Variants in TSPAN9 observed in about 807,000 individuals in gnomAD.
TSPAN9 encodes the protein tetraspanin 9.
In TSPAN9, 16 loss-of-function variants were observed where a neutral mutation model predicts 31.0. That is an observed-to-expected ratio of 0.52 (90% CI 0.35 to 0.78). The LOEUF (loss-of-function observed/expected upper bound fraction) is 0.78. TSPAN9 is among the 30% of genes least tolerant of loss of function. The probability of loss-of-function intolerance (pLI) is 0.01; values close to 1 mark genes in which losing one functional copy is unlikely to be tolerated. For synonymous variants in TSPAN9, 145 were observed against 121.6 expected, an observed-to-expected ratio of 1.19 and a Z score of -1.27; for missense variants, 272 against 312.5, an observed-to-expected ratio of 0.87 and a Z score of 0.98.
chr12:3,282,877 C>T (rs888912528), intron 8 of TSPAN9, among the ~76,000 whole-genome samples, 168 bp from the exon 9 acceptor site: 19 of 152,226 alleles, frequency 1.2e-4, no homozygotes, highest in Non-Finnish European at 2.5e-4. Flanking sequence ...CCAGGGTGAC[C>T]TCTGTTCACG....
At chr12:3,269,785 C>T (rs923473737) in intron 3 of TSPAN9, among the ~76,000 whole-genome samples, 8 of 152,296 alleles carry the variant, frequency 5.3e-5, no homozygotes, top group South Asian at 2.1e-4. Context: ...GGCCCTTTTT[C>T]GCTGCACCCA....
intron 2 of TSPAN9, among the ~76,000 whole-genome samples, chr12:3,089,503 G>A (rs56093454): frequency 1.3e-5 from 2 of 151,844 alleles, no homozygotes; most frequent in Admixed American, 6.5e-5. Context: ...TACCGTGTTG[G>A]CCAGGGTGGT....
rs201987900 is a variant in TSPAN9, at chr12:3,281,703, G to A, written c.565-31G>A. 4.4e-5 allele frequency: 70 copies of A among 1,603,226 alleles called. 1 individual carries two copies. In the Middle Eastern group the frequency reaches 1.2e-3, roughly 27 times the overall value. ...CTGCAGGGAGCGCATGCTTGGGCTG[G>A]GACCCTAACCTCGTGGGCCTCGCTC... On this transcript the variant is annotated intron_variant, in intron 7 of 8. Coordinates refer to ENST00000011898, the MANE Select transcript of TSPAN9 (RefSeq NM_006675.5).
intron 3 of TSPAN9, among the ~76,000 whole-genome samples, chr12:3,259,713 C>T (rs145647486): frequency 6.6e-6 from 1 of 152,322 alleles, no homozygotes; most frequent in Non-Finnish European, 1.5e-5. Context: ...GGGCCTCGGA[C>T]CCAGCAGAGG....
At chr12:3,163,737 A>G (rs1315575725) in intron 2 of TSPAN9, among the ~76,000 whole-genome samples, 1 of 152,210 alleles carries the variant, frequency 6.6e-6, no homozygotes, top group East Asian at 1.9e-4. Context: ...TGCAGCTAGC[A>G]TCAGTGAGAC....
intron 2 of TSPAN9, among the ~76,000 whole-genome samples, chr12:3,186,219 C>T (rs971399013): frequency 6.6e-6 from 1 of 152,214 alleles, no homozygotes; most frequent in African/African-American, 2.4e-5. Context: ...CTTTCCCAGG[C>T]ATTCATACAT....
intron 3 of TSPAN9, among the ~76,000 whole-genome samples, chr12:3,245,750 C>T (rs111625835): frequency 0.041 from 6,232 of 152,288 alleles, 174 homozygotes; most frequent in Non-Finnish European, 0.063. Context: ...GCCCGTGGCA[C>T]GGAGCCATCG....
At chr12:3,220,210 T>C (rs139590646) in intron 3 of TSPAN9, among the ~76,000 whole-genome samples, 1 of 152,056 alleles carries the variant, frequency 6.6e-6, no homozygotes, top group East Asian at 1.9e-4. Context: ...TAGTTACCTG[T>C]AACAGCTACC....
Position 3,283,227 on chromosome 12 carries a change from C to T in TSPAN9, c.*111C>T, listed in dbSNP as rs972804062. 8 of 1,137,566 alleles carry T rather than the reference C, an allele frequency of 7.0e-6. No individual in the cohort carries two copies. The Admixed American group carries it at 1.1e-4, about 15-fold the overall frequency. 70.5% of individuals were successfully genotyped at this position (1,137,566 alleles called of 1,614,324 possible). A position where few individuals can be genotyped will look rare whatever the true frequency, so the allele number is the denominator to read the frequency against. On this transcript the variant is annotated 3_prime_UTR_variant, in exon 9 of 9. Transcript: ENST00000011898. Reference sequence around the variant, plus strand: ...AGATATGACCCCTGCACCCACCCCCCACAGCCTGCCCTACCCCACCTACCC... The same window carrying T: ...AGATATGACCCCTGCACCCACCCCCTACAGCCTGCCCTACCCCACCTACCC...
At chr12:3,278,931 C>T in intron 4 of TSPAN9, 61 bp from the exon 5 acceptor site, 1 of 1,567,860 alleles carries the variant, frequency 6.4e-7, no homozygotes, top group Non-Finnish European at 8.8e-7. Context: ...GCCTTCCACA[C>T]CCTCCTTGTC....
At position 3,153,782 on chromosome 12, in the gene TSPAN9, A is replaced by G. The variant is rs556768247; in HGVS notation, c.-17-47395A>G. ...TCCTACTGTTGAATGTGCAGCTCAC[A>G]ATTTTAACTTACCTAAATAGTAGAA... On this transcript the variant is annotated intron_variant, in intron 2 of 8. Coordinates refer to ENST00000011898, the MANE Select transcript of TSPAN9 (RefSeq NM_006675.5). Among the ~76,000 whole-genome samples, 6 of 150,998 alleles carry G rather than the reference A, an allele frequency of 4.0e-5. 1 individual carries two copies. Among genetic ancestry groups the G allele is most frequent in the African/African-American group, 1.2e-4 (5 of 41,050 alleles).
intron 3 of TSPAN9, among the ~76,000 whole-genome samples, chr12:3,213,919 C>G (rs528803698): frequency 1.3e-5 from 2 of 152,340 alleles, no homozygotes; most frequent in South Asian, 4.1e-4. Context: ...CATTTCCTCC[C>G]CACTCCTACA....
At chr12:3,139,214 T>C (rs1295852449) in intron 2 of TSPAN9, among the ~76,000 whole-genome samples, 1 of 152,224 alleles carries the variant, frequency 6.6e-6, no homozygotes, top group East Asian at 1.9e-4. Flanking sequence ...GTTTCCTCTC[T>C]TCCTCTGTCT....
intron 2 of TSPAN9, among the ~76,000 whole-genome samples, chr12:3,141,478 A>T (rs2098334802): frequency 6.6e-6 from 1 of 152,070 alleles, no homozygotes; most frequent in South Asian, 2.1e-4. Context: ...TGCTCCTCTG[A>T]GGCCCACACA....
chr12:3,283,028 C>T lies in TSPAN9; in HGVS notation c.649-17C>T, dbSNP rs749818727. 28 of 1,606,582 alleles carry T rather than the reference C, an allele frequency of 1.7e-5. No individual in the cohort carries two copies. In the Admixed American group the frequency reaches 4.7e-4, roughly 27 times the overall value. On this transcript the variant is annotated splice_polypyrimidine_tract_variant and intron_variant, in intron 8 of 8. Transcript: ENST00000011898. ...CTGCTGCAGCTCCTGCCTCAGGCCC[C>T]TCCCCGTGTCTTTCAGATCCTGGGC...
Position 3,180,974 on chromosome 12 carries a change from G to A in TSPAN9, c.-17-20203G>A, listed in dbSNP as rs116960010. ...GCACGGCTCAGATGTAGGAGTTCAG[G>A]GCCCTGCATTTTAGGGAGGGCACTG... On this transcript the variant is annotated intron_variant, in intron 2 of 8. Transcript: ENST00000011898. 3.4e-4 allele frequency among the ~76,000 whole-genome samples: 51 copies of A among 151,792 alleles called. 1 individual carries two copies. The East Asian group carries it at 8.6e-3, about 26-fold the overall frequency.
intron 2 of TSPAN9, among the ~76,000 whole-genome samples, chr12:3,182,196 T>C (rs557851977): frequency 1.3e-5 from 2 of 152,162 alleles, no homozygotes; most frequent in African/African-American, 4.8e-5. Context: ...ATCAGGGAAG[T>C]TAATTACTCG....
chr12:3,221,370 T>TTC (rs2098384486), intron 3 of TSPAN9, among the ~76,000 whole-genome samples: 1 of 150,372 alleles, frequency 6.7e-6, no homozygotes, highest in Non-Finnish European at 1.5e-5. Flanking sequence ...CTTTTTTTTT[T>TTC]TTTTTTAGAT....
chr12:3,137,005 G>A (rs1210125486), intron 2 of TSPAN9, among the ~76,000 whole-genome samples: 1 of 152,224 alleles, frequency 6.6e-6, no homozygotes, highest in Non-Finnish European at 1.5e-5. Flanking sequence ...GCTTGTGGTG[G>A]GATCTGAATC....
Sources: allele counts gnomAD v4.1 joint callset (sites outside exome capture counted in the v4.1 genomes callset), GRCh38; gene constraint gnomAD v4.1.1; transcripts MANE v1.5; gene names NCBI Gene and HGNC (gene_info 2026-07-23, HGNC 2026-07-21).